The following GAD2 variants were observed in gnomAD, a reference collection of about 807,000 sequenced individuals.
GAD2 encodes the protein glutamate decarboxylase 2.
A neutral mutation model predicts 80.1 loss-of-function variants in GAD2; 22 were observed. That is an observed-to-expected ratio of 0.27 (90% CI 0.20 to 0.39). The LOEUF (loss-of-function observed/expected upper bound fraction) is 0.39. Among genes scored for constraint, GAD2 ranks in the 10% least tolerant of loss-of-function variants. GAD2 has a pLI of 1.00. For synonymous variants in GAD2, 274 were observed against 256.9 expected, an observed-to-expected ratio of 1.07 and a Z score of -0.64; for missense variants, 624 against 738.4, an observed-to-expected ratio of 0.85 and a Z score of 1.80.
chr10:26,275,458 GT>G (rs1845189260), intron 11 of GAD2, among the ~76,000 whole-genome samples: 1 of 152,198 alleles, frequency 6.6e-6, no homozygotes, highest in Non-Finnish European at 1.5e-5. Flanking sequence ...GGAACACAGA[GT>G]TTCCTCTTAT....
rs1353910379 is a variant in GAD2, at chr10:26,221,553, A to G, written c.520+2277A>G. 2.0e-5 allele frequency among the ~76,000 whole-genome samples: 3 copies of G among 152,228 alleles called. No homozygotes were observed. The East Asian group carries it at 5.8e-4, about 29-fold the overall frequency. On this transcript the variant is annotated intron_variant, in intron 4 of 15. Transcript: ENST00000376261. ...TTTACCAAACCATCAGACAAAGGGA[A>G]TTAAGCGTCAGTAGATGAGGCAGCC... is the stretch of plus-strand genomic sequence containing the variant.
intron 11 of GAD2, among the ~76,000 whole-genome samples, chr10:26,276,085 G>A (rs1440297764): frequency 2.0e-5 from 3 of 152,022 alleles, no homozygotes; most frequent in Non-Finnish European, 2.9e-5. Flanking sequence ...AGGATCACTG[G>A]AGTCCAGGAA....
chr10:26,300,847 A>G lies in GAD2; in HGVS notation c.1644A>G (p.Gln548=), dbSNP rs758134744. The G allele has an allele frequency of 8.1e-6, 13 of 1,613,902 alleles. 1 individual carries two copies. In the South Asian group the frequency reaches 1.4e-4, roughly 18 times the overall value. Residue 548 remains glutamine, a synonymous_variant, in exon 16 of 16, where the codon CAA becomes CAG. Transcript: ENST00000376261. The stretch of plus-strand genomic sequence containing the variant: ...ATGGAACCACAATGGTCAGCTACCA[A>G]CCCTTGGGAGACAAGGTCAATTTCT... ...MEYGTTMVSY[Q]PLGDKVNFFR...
intron 11 of GAD2, among the ~76,000 whole-genome samples, chr10:26,274,658 C>T (rs112964275): frequency 3.9e-5 from 6 of 152,298 alleles, no homozygotes; most frequent in African/African-American, 1.4e-4. Flanking sequence ...AGCACAGAGG[C>T]ACTTGTGAGC....
chr10:26,229,523 G>C, intron 6 of GAD2, 139 bp from the exon 7 acceptor site: 1 of 626,146 alleles, frequency 1.6e-6, no homozygotes, highest in South Asian at 2.0e-5. Flanking sequence ...TTGAGTCTGA[G>C]GATTCAGTTT....
chr10:26,240,107 G>A (rs1430877574), intron 7 of GAD2, among the ~76,000 whole-genome samples: 1 of 152,172 alleles, frequency 6.6e-6, no homozygotes. Flanking sequence ...TCTAATAGAG[G>A]AGGAGAAACC....
upstream of GAD2, chr10:26,216,702 G>T: frequency 1.3e-6 from 1 of 768,474 alleles, no homozygotes; most frequent in Non-Finnish European, 2.0e-6. The surrounding 1 kb of genome is among the most constrained non-coding windows in gnomAD (Gnocchi z 4.7). Context: ...GTCCCCGCGC[G>T]GTGCCCTCCT....
chr10:26,260,551 C>T (rs967932977), intron 8 of GAD2, among the ~76,000 whole-genome samples: 1 of 152,106 alleles, frequency 6.6e-6, no homozygotes, highest in African/African-American at 2.4e-5. Context: ...TCACTTGAAC[C>T]CCGGAGGCGA....
intron 4 of GAD2, among the ~76,000 whole-genome samples, chr10:26,219,924 GA>G (rs1221357139): frequency 6.6e-6 from 1 of 151,874 alleles, no homozygotes; most frequent in Non-Finnish European, 1.5e-5. Context: ...GTGAGATAAA[GA>G]AAAAGGGGGG....
chr10:26,217,755 G>A lies in GAD2; in HGVS notation c.136+86G>A, dbSNP rs1844395529. 3 of 1,584,098 alleles carry A rather than the reference G, an allele frequency of 1.9e-6. No homozygotes were observed. In the African/African-American group the frequency reaches 4.0e-5, roughly 21 times the overall value. ...CCTCCGCATCCCAGTCAGCGGAGTC[G>A]GGGTTTCCTGGCTGCGGGTAGGCGG... On this transcript the variant is annotated intron_variant, in intron 2 of 15. Transcript: ENST00000376261. The surrounding 1 kb of genome is among the most constrained non-coding windows in gnomAD (Gnocchi z 4.9).
intron 10 of GAD2, among the ~76,000 whole-genome samples, chr10:26,271,596 C>T (rs1407357162): frequency 6.6e-6 from 1 of 152,126 alleles, no homozygotes; most frequent in Non-Finnish European, 1.5e-5. Context: ...TTTTTCATTG[C>T]AAGACTTTCT....
At chr10:26,286,247 T>C (rs1845330286) in intron 12 of GAD2, 98 bp from the exon 13 acceptor site, 4 of 1,055,646 alleles carry the variant, frequency 3.8e-6, no homozygotes, top group Admixed American at 2.6e-5. Context: ...CTCTAAGATA[T>C]GCAATGTCTC....
At chr10:26,222,628 G>A (rs1423086544) in intron 4 of GAD2, among the ~76,000 whole-genome samples, 1 of 152,142 alleles carries the variant, frequency 6.6e-6, no homozygotes, top group African/African-American at 2.4e-5. Context: ...AGGCCACAAG[G>A]ACATAAAACA....
chr10:26,262,240 C>G (rs1380670562), intron 8 of GAD2, among the ~76,000 whole-genome samples: 2 of 144,504 alleles, frequency 1.4e-5, no homozygotes, highest in African/African-American at 2.6e-5. Flanking sequence ...TTTTTGGTAA[C>G]TTTTCTCCCA....
intron 8 of GAD2, among the ~76,000 whole-genome samples, chr10:26,261,581 T>C (rs1179581472): frequency 6.6e-6 from 1 of 152,210 alleles, no homozygotes; most frequent in Non-Finnish European, 1.5e-5. Context: ...TTATTCATTA[T>C]TGGTCAGTTA....
At chr10:26,253,666 G>A (rs1174157548) in intron 8 of GAD2, among the ~76,000 whole-genome samples, 4 of 152,344 alleles carry the variant, frequency 2.6e-5, no homozygotes, top group Admixed American at 6.5e-5. Flanking sequence ...CAGTGGTCTT[G>A]ATTGGAACAC....
chr10:26,225,131 A>G (rs1844504465), intron 6 of GAD2, among the ~76,000 whole-genome samples: 1 of 152,246 alleles, frequency 6.6e-6, no homozygotes, highest in African/African-American at 2.4e-5. Context: ...GTGGATTTAC[A>G]CTAATTTCAA....
intron 7 of GAD2, among the ~76,000 whole-genome samples, chr10:26,241,188 T>A (rs1844737889): frequency 1.3e-5 from 2 of 152,230 alleles, no homozygotes; most frequent in Non-Finnish European, 2.9e-5. Flanking sequence ...AGCACTAGAT[T>A]CTATTATCAA....
chr10:26,221,290 C>A (rs1419287893), intron 4 of GAD2, among the ~76,000 whole-genome samples: 1 of 152,158 alleles, frequency 6.6e-6, no homozygotes, highest in Non-Finnish European at 1.5e-5. Context: ...TACTGAGAGA[C>A]CTTAACCTGA....
Sources: allele counts gnomAD v4.1 joint callset (sites outside exome capture counted in the v4.1 genomes callset), GRCh38; gene constraint gnomAD v4.1.1; non-coding constraint Gnocchi (gnomAD v3.1); transcripts MANE v1.5; gene names NCBI Gene and HGNC (gene_info 2026-07-23, HGNC 2026-07-21).